DOCK3: variants seen among roughly 807,000 people sequenced by gnomAD.
DOCK3 encodes the protein dedicator of cytokinesis protein 3.
A neutral mutation model predicts 265.6 loss-of-function variants in DOCK3; 60 were observed. The ratio of observed to expected loss-of-function variants is 0.23; its 90% CI spans 0.18 to 0.28. The LOEUF (loss-of-function observed/expected upper bound fraction) is 0.28. Ranked by LOEUF, DOCK3 falls within the 10% of genes least tolerant of loss-of-function variation. The pLI, the probability that DOCK3 is intolerant of heterozygous loss-of-function variation, is 1.00. For synonymous variants in DOCK3, 881 were observed against 938.0 expected (o/e 0.94, Z 1.11); for missense variants, 1,981 against 2,594.3 (o/e 0.76, Z 5.14).
At chr3:51,187,064 A>C (rs4927973) in intron 12 of DOCK3, among the ~76,000 whole-genome samples, 125,075 of 152,102 alleles carry the variant, frequency 0.82, 52,012 homozygotes, top group Middle Eastern at 0.9. Context: ...GTAGATCCAC[A>C]GACAGCTTGC....
chr3:50,695,343 A>C (rs1364462496), intron 1 of DOCK3, among the ~76,000 whole-genome samples: 1 of 152,244 alleles, frequency 6.6e-6, no homozygotes, highest in Admixed American at 6.5e-5. Context: ...CCCCTGATCA[A>C]CTTAGCTAGT....
Position 51,362,661 on chromosome 3 carries a change from T to G in DOCK3, c.5280T>G (p.Pro1760=), listed in dbSNP as rs1255125960. 1 of 1,613,624 alleles carries G rather than the reference T, an allele frequency of 6.2e-7. No individual in the cohort carries two copies. Among genetic ancestry groups the G allele is most frequent in the Non-Finnish European group, 8.5e-7 (1 of 1,179,728 alleles). The part of the protein sequence containing the change: ...SAPSQMITSA[P]SSARGSPSLP... ...CATCCCAGATGATTACCTCTGCCCCTTCCAGTGCCCGAGGTAAGGATGGCA... is the reference window on the plus strand; with the variant it reads ...CATCCCAGATGATTACCTCTGCCCCGTCCAGTGCCCGAGGTAAGGATGGCA... Residue 1760 remains proline (P), a synonymous_variant, in exon 49 of 53, where the codon CCT becomes CCG. Transcript: ENST00000266037.
rs547541762 is a variant in DOCK3 at position 51,239,076 on chromosome 3, A to G, written c.2102+1486A>G. Among the ~76,000 whole-genome samples, 4 of 152,302 alleles carry G rather than the reference A, an allele frequency of 2.6e-5. No homozygotes were observed. The East Asian group carries it at 5.8e-4, about 22-fold the overall frequency. On this transcript the variant is annotated intron_variant, in intron 21 of 52. Coordinates refer to ENST00000266037, the MANE Select transcript of DOCK3 (RefSeq NM_004947.5). ...GTTGAACTAATTTACACTACCATCA[A>G]CAGTATATAAGCATTCATTTTTCTC...
At chr3:50,773,830 G>A (rs1057171924) in intron 1 of DOCK3, among the ~76,000 whole-genome samples, 1 of 151,922 alleles carries the variant, frequency 6.6e-6, no homozygotes, top group East Asian at 1.9e-4. Flanking sequence ...TTTTCACTTG[G>A]TAGTCAGAGT....
chr3:51,229,466 A>G, intron 18 of DOCK3, 46 bp from the exon 19 acceptor site: 2 of 1,391,640 alleles, frequency 1.4e-6, no homozygotes, highest in Non-Finnish European at 1.9e-6. Context: ...AAAAAAAAGA[A>G]TATCCAGGTT....
intron 1 of DOCK3, among the ~76,000 whole-genome samples, chr3:50,712,179 A>AT (rs1196772146): frequency 6.6e-6 from 1 of 151,350 alleles, no homozygotes; most frequent in Non-Finnish European, 1.5e-5. Flanking sequence ...AATCATTGTC[A>AT]TTTTTTCCTC....
intron 5 of DOCK3, among the ~76,000 whole-genome samples, chr3:51,063,088 A>G (rs973083628): frequency 2.7e-5 from 4 of 150,304 alleles, no homozygotes; most frequent in Admixed American, 6.6e-5. Flanking sequence ...ATGAATCTTT[A>G]AAAGTCTAAT....
At chr3:50,788,149 CA>C in intron 2 of DOCK3, 1 of 768,550 alleles carries the variant, frequency 1.3e-6, no homozygotes, top group Non-Finnish European at 2.1e-6. Context: ...CTTTGGTGGA[CA>C]GGTCAAGTTC....
intron 6 of DOCK3, among the ~76,000 whole-genome samples, chr3:51,072,547 T>G (rs1390828843): frequency 6.6e-6 from 1 of 152,056 alleles, no homozygotes; most frequent in Non-Finnish European, 1.5e-5. Flanking sequence ...TAGCAGGGAT[T>G]ACGGACACCC....
At chr3:50,789,628 G>A (rs2042359713) in intron 2 of DOCK3, among the ~76,000 whole-genome samples, 1 of 152,184 alleles carries the variant, frequency 6.6e-6, no homozygotes, top group Non-Finnish European at 1.5e-5. Context: ...CTTAGGTCTA[G>A]TAGTAACTGT....
intron 3 of DOCK3, among the ~76,000 whole-genome samples, chr3:50,884,037 A>G (rs1424916399): frequency 6.6e-6 from 1 of 151,124 alleles, no homozygotes; most frequent in Non-Finnish European, 1.5e-5. Flanking sequence ...GAGTTCATTC[A>G]TGTACGTTCC....
intron 24 of DOCK3, among the ~76,000 whole-genome samples, chr3:51,274,304 G>C (rs1234997213): frequency 6.6e-6 from 1 of 152,186 alleles, no homozygotes; most frequent in Non-Finnish European, 1.5e-5. Flanking sequence ...GCTGTGGCAA[G>C]GTAAACACTC....
At chr3:50,735,530 G>A (rs555562111) in intron 1 of DOCK3, among the ~76,000 whole-genome samples, 1 of 152,098 alleles carries the variant, frequency 6.6e-6, no homozygotes, top group East Asian at 1.9e-4. Flanking sequence ...TAGAGACAGG[G>A]TTTCACCATG....
Position 51,338,957 on chromosome 3 carries a change from A to G in DOCK3, c.3695A>G (p.Asn1232Ser). ...TAGAATTTTTACAAATCTGAGATTA[A>G]CAAGGAAGAAATGTATATCCGCTAC... ...NLMNFYKSEI[N>S]KEEMYIRYIH... The change falls in exon 37 of 53, where the codon AAC becomes AGC. Residue 1232 changes from asparagine (N) to serine (S), a missense_variant. Physicochemically the swap from Asn to Ser is conservative, Grantham distance 46. Coordinates refer to ENST00000266037, the MANE Select transcript of DOCK3 (RefSeq NM_004947.5). 4 of 1,610,374 alleles carry G rather than the reference A, an allele frequency of 2.5e-6. No homozygotes were observed. Among genetic ancestry groups the G allele is most frequent in the Non-Finnish European group, 3.4e-6 (4 of 1,178,144 alleles).
chr3:51,228,853 G>A (rs1348646649), intron 18 of DOCK3, 21 bp downstream of exon 18: 1 of 1,611,318 alleles, frequency 6.2e-7, no homozygotes, highest in Non-Finnish European at 8.5e-7. Context: ...ATGCCTGCAG[G>A]GTGGTGCCCT....
chr3:51,381,007 T>A lies in DOCK3; in HGVS notation c.5584-43T>A, dbSNP rs1179681207. On this transcript the variant is annotated intron_variant, in intron 52 of 52. Transcript: ENST00000266037. The surrounding 1 kb of genome is among the most constrained non-coding windows in gnomAD (Gnocchi z 5.6). ...TTCCTATGGCGGGCAAGTCAGCCTG[T>A]CTGGAGAGAGGGATTCTAACATGCC... 6.5e-7 allele frequency: 1 copy of A among 1,542,414 alleles called. No individual in the cohort carries two copies. Among genetic ancestry groups the A allele is most frequent in the African/African-American group, 1.4e-5 (1 of 73,802 alleles).
intron 1 of DOCK3, among the ~76,000 whole-genome samples, chr3:50,772,303 A>G (rs770098317): frequency 6.6e-6 from 1 of 152,222 alleles, no homozygotes; most frequent in African/African-American, 2.4e-5. Context: ...TGCGAAGGGT[A>G]GTGGGTGGCT....
At chr3:51,123,702 T>C (rs947919095) in intron 9 of DOCK3, among the ~76,000 whole-genome samples, 2 of 152,036 alleles carry the variant, frequency 1.3e-5, no homozygotes, top group Non-Finnish European at 2.9e-5. Flanking sequence ...GCACCCAAGG[T>C]TTATTGGGGG....
At chr3:50,983,117 C>T (rs1032130272) in intron 5 of DOCK3, among the ~76,000 whole-genome samples, 2 of 152,184 alleles carry the variant, frequency 1.3e-5, no homozygotes, top group Non-Finnish European at 2.9e-5. Context: ...GCATACCAGA[C>T]CTCTGCTGCC....
Sources: gnomAD v4.1 joint callset for allele counts (sites outside exome capture counted in the v4.1 genomes callset) on GRCh38, gnomAD v4.1.1 for gene constraint, Gnocchi (gnomAD v3.1) non-coding constraint, MANE v1.5 for transcripts, NCBI Gene and HGNC (gene_info 2026-07-23, HGNC 2026-07-21) for gene names.